AP4E1: variants seen among roughly 807,000 people sequenced by gnomAD.
AP4E1 encodes the protein adaptor related protein complex 4 subunit epsilon 1, also known as AP-4 complex subunit epsilon-1.
A neutral mutation model predicts 128.2 loss-of-function variants in AP4E1; 56 were observed. The observed-to-expected ratio is 0.44, with a 90% CI of 0.35 to 0.55. The LOEUF (loss-of-function observed/expected upper bound fraction) is 0.55. AP4E1 is among the 20% of genes least tolerant of loss of function. The pLI, the probability that AP4E1 is intolerant of heterozygous loss-of-function variation, is 0.00. For missense variants in AP4E1, 1,324 were observed against 1,307.7 expected, an observed-to-expected ratio of 1.01 and a Z score of -0.19; for synonymous variants, 484 against 473.1, an observed-to-expected ratio of 1.02 and a Z score of -0.30.
chr15:50,946,679 C>T (rs2064065894), intron 10 of AP4E1, among the ~76,000 whole-genome samples: 2 of 152,140 alleles, frequency 1.3e-5, no homozygotes, highest in Non-Finnish European at 2.9e-5. Flanking sequence ...TGGAAATTAT[C>T]TTGCAGCTAA....
At chr15:50,960,117 A>C (rs1035407926) in intron 14 of AP4E1, among the ~76,000 whole-genome samples, 1 of 152,200 alleles carries the variant, frequency 6.6e-6, no homozygotes, top group African/African-American at 2.4e-5. Flanking sequence ...AAGCAAATAT[A>C]TATAAAGCAA....
rs766330413 is a variant in AP4E1, at chr15:50,908,843, G to A, written c.65G>A (p.Gly22Asp). 1.1e-5 allele frequency: 18 copies of A among 1,608,644 alleles called. No homozygotes were observed. In the East Asian group the frequency reaches 3.6e-4, roughly 32 times the overall value. Residue 22 changes from glycine (G) to aspartate (D), a missense_variant, in exon 1 of 21, where the codon GGT (glycine) becomes GAT (aspartate). Coordinates refer to ENST00000261842, the MANE Select transcript of AP4E1 (RefSeq NM_007347.5). The stretch of plus-strand genomic sequence containing the variant: ...GGACTCTTTCTGCAGAACCAGCCCG[G>A]TGGTGGGCCCGCGGCCGCCAAGGCG... The part of the protein sequence containing the change: ...LPGLFLQNQP[G>D]GGPAAAKASF...
intron 16 of AP4E1, among the ~76,000 whole-genome samples, chr15:50,989,773 C>G (rs1405966550): frequency 6.6e-6 from 1 of 152,124 alleles, no homozygotes; most frequent in Admixed American, 6.5e-5. Context: ...AAATGCCATA[C>G]ATATACATCT....
At chr15:50,954,271 CTT>C in intron 13 of AP4E1, among the ~76,000 whole-genome samples, 1 of 152,254 alleles carries the variant, frequency 6.6e-6, no homozygotes, top group Middle Eastern at 3.4e-3. Flanking sequence ...CATAAAATGA[CTT>C]GGGAATGTGC....
chr15:50,926,225 C>T (rs562715321), intron 5 of AP4E1, among the ~76,000 whole-genome samples: 15 of 151,936 alleles, frequency 9.9e-5, no homozygotes, highest in Non-Finnish European at 2.2e-4. Flanking sequence ...GCACGCTCCA[C>T]CTCCCAGGTT....
rs887844551 is a variant in AP4E1, at chr15:50,911,813, A to C, written c.151-265A>C. Among the ~76,000 whole-genome samples the C allele has an allele frequency of 3.3e-5, 5 of 152,152 alleles. No individual in the cohort carries two copies. The East Asian group carries it at 7.7e-4, about 23-fold the overall frequency. On this transcript the variant is annotated intron_variant, in intron 1 of 20. Transcript: ENST00000261842. ...GTTTTAAAAAAAAACATTTTCTGCT[A>C]TTCTACCATTAAGGGGAAGTAACTG... is the stretch of plus-strand genomic sequence containing the variant.
rs187950932 is a variant in AP4E1, at chr15:50,928,945, A to G, written c.543-64A>G. ...GTATTTTGAAATCATCTGGCCTATAATCTTTCAAAGTAAATACTTGAGAAT... is the reference window on the plus strand; with the variant it reads ...GTATTTTGAAATCATCTGGCCTATAGTCTTTCAAAGTAAATACTTGAGAAT... On this transcript the variant is annotated intron_variant, in intron 5 of 20. Coordinates refer to ENST00000261842, the MANE Select transcript of AP4E1 (RefSeq NM_007347.5). The G allele has an allele frequency of 9.8e-6, 15 of 1,526,028 alleles. 1 individual carries two copies. In the East Asian group the frequency reaches 3.4e-4, roughly 35 times the overall value. The allele number at this position is 1,526,028 out of a possible 1,614,324, so 94.5% of individuals were successfully genotyped here. A position where few individuals can be genotyped will look rare whatever the true frequency, so the allele number is the denominator to read the frequency against.
chr15:50,940,022 A>G (rs1383210170), intron 8 of AP4E1, among the ~76,000 whole-genome samples: 1 of 152,144 alleles, frequency 6.6e-6, no homozygotes, highest in African/African-American at 2.4e-5. Context: ...GGCCTATAAA[A>G]ATAGGCTGAA....
chr15:51,001,371 T>C (rs193089247), intron 20 of AP4E1, among the ~76,000 whole-genome samples, 188 bp downstream of exon 20: 2 of 152,248 alleles, frequency 1.3e-5, no homozygotes, highest in African/African-American at 2.4e-5. Context: ...ACATAAAATA[T>C]ACCATTTTAA....
chr15:50,973,074 T>G (rs937916532), intron 15 of AP4E1, among the ~76,000 whole-genome samples: 1 of 152,166 alleles, frequency 6.6e-6, no homozygotes, highest in Non-Finnish European at 1.5e-5. Context: ...GGGAAATCAT[T>G]GAGTTATTTG....
At chr15:50,918,934 T>A (rs7170310) in intron 3 of AP4E1, among the ~76,000 whole-genome samples, 119,849 of 151,778 alleles carry the variant, frequency 0.79, 47,826 homozygotes, top group African/African-American at 0.89. Context: ...TCTCATAAAT[T>A]ATGTTGTAAT....
chr15:50,910,518 G>A (rs1399491363), intron 1 of AP4E1, among the ~76,000 whole-genome samples: 1 of 152,172 alleles, frequency 6.6e-6, no homozygotes, highest in African/African-American at 2.4e-5. Flanking sequence ...TGCAATAGAA[G>A]TGCTAAAAGA....
At chr15:50,944,853 C>A in intron 10 of AP4E1, 1 of 765,974 alleles carries the variant, frequency 1.3e-6, no homozygotes, top group South Asian at 1.5e-5. Context: ...GCTGGATGGT[C>A]ACCAAGATGG....
chr15:50,949,149 A>G (rs1174953608), intron 11 of AP4E1, among the ~76,000 whole-genome samples: 2 of 150,128 alleles, frequency 1.3e-5, no homozygotes, highest in African/African-American at 4.9e-5. Context: ...GAGACTAAAC[A>G]CCTGTAATCA....
At chr15:50,923,427 G>C (rs1382338312) in intron 3 of AP4E1, among the ~76,000 whole-genome samples, 2 of 152,136 alleles carry the variant, frequency 1.3e-5, no homozygotes, top group Non-Finnish European at 2.9e-5. Flanking sequence ...AAGGTATTGT[G>C]TGTGGCTTAA....
At chr15:50,964,612 G>C (rs11631696) in intron 14 of AP4E1, among the ~76,000 whole-genome samples, 17,474 of 151,914 alleles carry the variant, frequency 0.12, 1,400 homozygotes, top group Middle Eastern at 0.2. Context: ...TAAGTTTATA[G>C]ATTCCTTTTA....
intron 5 of AP4E1, among the ~76,000 whole-genome samples, chr15:50,927,729 T>G (rs1165862574): frequency 6.6e-6 from 1 of 151,808 alleles, no homozygotes; most frequent in Non-Finnish European, 1.5e-5. Flanking sequence ...AAGATAAGAG[T>G]TGTTTATTAA....
intron 14 of AP4E1, among the ~76,000 whole-genome samples, chr15:50,968,035 G>A (rs932884687): frequency 2.0e-5 from 3 of 152,180 alleles, no homozygotes; most frequent in African/African-American, 7.2e-5. Flanking sequence ...GGCGAGGCTG[G>A]TCTCAAACTC....
In AP4E1 at chr15:50,931,039, C is replaced by T. The variant is rs2063829732; in HGVS notation, c.869+68C>T. 3.2e-6 allele frequency: 5 copies of T among 1,568,606 alleles called. No homozygotes were observed. The South Asian group carries it at 4.5e-5, about 14-fold the overall frequency. The stretch of plus-strand genomic sequence containing the variant: ...GATGATAAGCTTAGACTTTAGTAAC[C>T]TAGAGGTTTAATGATAAACCAGATT... On this transcript the variant is annotated intron_variant, in intron 7 of 20. Coordinates refer to ENST00000261842, the MANE Select transcript of AP4E1 (RefSeq NM_007347.5).
Sources: allele counts gnomAD v4.1 joint callset (sites outside exome capture counted in the v4.1 genomes callset), GRCh38; gene constraint gnomAD v4.1.1; transcripts MANE v1.5; gene names NCBI Gene and HGNC (gene_info 2026-07-23, HGNC 2026-07-21).